The following QSER1 variants were observed in gnomAD, a reference collection of about 807,000 sequenced individuals.
QSER1 encodes the protein glutamine and serine-rich protein 1.
QSER1 carries 49 observed loss-of-function variants against 158.5 expected under a neutral mutation model. The observed-to-expected ratio is 0.31, with a 90% CI of 0.25 to 0.39. QSER1 has a LOEUF of 0.39. Among genes scored for constraint, QSER1 ranks in the 10% least tolerant of loss-of-function variants. The pLI is 1.00. For missense variants in QSER1, 1,754 were observed against 2,010.3 expected, an observed-to-expected ratio of 0.87 and a Z score of 2.44; for synonymous variants, 650 against 715.5, an observed-to-expected ratio of 0.91 and a Z score of 1.46.
intron 1 of QSER1, among the ~76,000 whole-genome samples, chr11:32,898,658 C>A (rs759769203): frequency 6.6e-6 from 1 of 152,122 alleles, no homozygotes; most frequent in African/African-American, 2.4e-5. Flanking sequence ...ATGAACACAG[C>A]TTACTGCAGC....
chr11:32,972,713 G>A (rs1418110818), intron 10 of QSER1, among the ~76,000 whole-genome samples: 2 of 152,122 alleles, frequency 1.3e-5, no homozygotes, highest in African/African-American at 4.8e-5. Flanking sequence ...TGGGATTACA[G>A]GCATGAGCCA....
chr11:32,919,757 T>A (rs1397559796), intron 1 of QSER1, among the ~76,000 whole-genome samples: 1 of 152,188 alleles, frequency 6.6e-6, no homozygotes, highest in Non-Finnish European at 1.5e-5. Context: ...AATTGGGAAT[T>A]CTTCAAGGGG....
intron 10 of QSER1, 92 bp downstream of exon 10, chr11:32,969,235 C>A (rs1346473436): frequency 2.5e-6 from 2 of 795,108 alleles, no homozygotes; most frequent in East Asian, 5.5e-5. Context: ...TATTCACTTA[C>A]AACATTTTTC....
At chr11:32,944,311 C>T (rs2133567323) in intron 4 of QSER1, among the ~76,000 whole-genome samples, 1 of 143,880 alleles carries the variant, frequency 7.0e-6, no homozygotes, top group Admixed American at 6.9e-5. Flanking sequence ...TTTTCTAGTT[C>T]TTTTAATTGT....
chr11:32,971,342 A>C (rs1345632949), intron 10 of QSER1, among the ~76,000 whole-genome samples: 2 of 152,152 alleles, frequency 1.3e-5, no homozygotes, highest in African/African-American at 4.8e-5. Flanking sequence ...GTGCTTTCCT[A>C]TGTTGATCTT....
At chr11:32,909,657 G>T (rs1033689631) in intron 1 of QSER1, among the ~76,000 whole-genome samples, 1 of 152,222 alleles carries the variant, frequency 6.6e-6, no homozygotes, top group Middle Eastern at 3.4e-3. Flanking sequence ...GGTCAGGCTG[G>T]TCTCAAACTC....
chr11:32,932,944 T>C lies in QSER1; in HGVS notation c.1686T>C (p.Gly562=), dbSNP rs759821858. The C allele has an allele frequency of 1.1e-5, 18 of 1,613,372 alleles. No individual in the cohort carries two copies. In the South Asian group the frequency reaches 1.8e-4, roughly 16 times the overall value. ...GTTACTCATCTGGTCACTCTCAGGG[T>C]TTATCACCAGTTAGCCAGACACAGG... is the stretch of plus-strand genomic sequence containing the variant. ...SQSYSSGHSQ[G]LSPVSQTQVS... is the part of the protein sequence containing the mutation. The change falls in exon 4 of 13, where the codon GGT becomes GGC. Residue 562 remains glycine, a synonymous_variant. Transcript: ENST00000650167.
intron 3 of QSER1, 118 bp from the exon 4 acceptor site, chr11:32,931,625 T>C: frequency 1.4e-6 from 1 of 714,742 alleles, no homozygotes; most frequent in African/African-American, 1.8e-5. Flanking sequence ...AACTAACTGG[T>C]CAGGTTTTTC....
intron 1 of QSER1, among the ~76,000 whole-genome samples, chr11:32,903,480 A>G (rs1026748356): frequency 6.6e-6 from 1 of 151,406 alleles, no homozygotes; most frequent in Non-Finnish European, 1.5e-5. Flanking sequence ...AGATTTACAA[A>G]CAAAGTGGAC....
At chr11:32,898,347 A>C (rs1002606189) in intron 1 of QSER1, among the ~76,000 whole-genome samples, 1 of 152,088 alleles carries the variant, frequency 6.6e-6, no homozygotes, top group Non-Finnish European at 1.5e-5. Flanking sequence ...TTAGCCGTGC[A>C]TGGTGGCGTG....
chr11:32,914,109 C>T (rs953347075), intron 1 of QSER1, among the ~76,000 whole-genome samples: 4 of 152,142 alleles, frequency 2.6e-5, no homozygotes, highest in Admixed American at 2.6e-4. Flanking sequence ...GCTAGAGTTC[C>T]ACACAGATTT....
chr11:32,925,460 G>T (rs141269790), intron 1 of QSER1, among the ~76,000 whole-genome samples: 8 of 151,982 alleles, frequency 5.3e-5, no homozygotes, highest in African/African-American at 1.9e-4. Context: ...TATTGACAAA[G>T]ATGCAAAACT....
intron 8 of QSER1, among the ~76,000 whole-genome samples, chr11:32,963,489 T>C (rs974190090): frequency 2.6e-5 from 4 of 152,226 alleles, no homozygotes; most frequent in Non-Finnish European, 4.4e-5. Context: ...GTAGCTGGGA[T>C]TACAGGCGCC....
At chr11:32,901,728 T>C (rs942939749) in intron 1 of QSER1, among the ~76,000 whole-genome samples, 1 of 152,100 alleles carries the variant, frequency 6.6e-6, no homozygotes, top group African/African-American at 2.4e-5. Context: ...CCACAGAGCG[T>C]TGGTACTAGA....
At chr11:32,905,942 TATA>T (rs747815644) in intron 1 of QSER1, among the ~76,000 whole-genome samples, 1 of 151,948 alleles carries the variant, frequency 6.6e-6, no homozygotes, top group Non-Finnish European at 1.5e-5. Context: ...ATTAATATGT[TATA>T]ATTTTTTTTG....
chr11:32,912,196 A>G (rs1176692965), intron 1 of QSER1, among the ~76,000 whole-genome samples: 2 of 152,160 alleles, frequency 1.3e-5, no homozygotes, highest in Non-Finnish European at 2.9e-5. Flanking sequence ...ATTATTTCTC[A>G]CAACATGTCT....
At chr11:32,961,082 T>C (rs1164778633) in intron 8 of QSER1, among the ~76,000 whole-genome samples, 1 of 152,232 alleles carries the variant, frequency 6.6e-6, no homozygotes, top group Admixed American at 6.5e-5. Flanking sequence ...TTAAAACAAC[T>C]ATACTTTCCA....
At chr11:32,906,059 C>A (rs1366912123) in intron 1 of QSER1, among the ~76,000 whole-genome samples, 1 of 150,848 alleles carries the variant, frequency 6.6e-6, no homozygotes, top group Non-Finnish European at 1.5e-5. Flanking sequence ...AAGAATTAGC[C>A]ACCTTAAAGT....
At chr11:32,902,089 A>C (rs748183983) in intron 1 of QSER1, among the ~76,000 whole-genome samples, 1 of 152,200 alleles carries the variant, frequency 6.6e-6, no homozygotes, top group Non-Finnish European at 1.5e-5. Context: ...TCTCAAAAAC[A>C]CAACAAAAAA....
Sources: gnomAD v4.1 joint callset for allele counts (sites outside exome capture counted in the v4.1 genomes callset) on GRCh38, gnomAD v4.1.1 for gene constraint, MANE v1.5 for transcripts, NCBI Gene and HGNC (gene_info 2026-07-23, HGNC 2026-07-21) for gene names.